Variants in URAD observed in about 807,000 individuals in gnomAD.
URAD encodes the protein putative 2-oxo-4-hydroxy-4-carboxy-5-ureidoimidazoline decarboxylase.
In URAD, 4 loss-of-function variants were observed where a neutral mutation model predicts 4.6. The ratio of observed to expected loss-of-function variants is 0.87; its 90% CI spans 0.43 to 1.98. URAD has a LOEUF of 1.98. URAD is among the 30% of genes most tolerant of loss of function. The pLI is 0.03. For missense variants in URAD, 300 were observed against 255.3 expected (o/e 1.18, Z -1.19); for synonymous variants, 144 against 118.2 (o/e 1.22, Z -1.41).
chr13:27,981,028 C>CTCTCCTCT (rs149754765), intron 1 of URAD, among the ~76,000 whole-genome samples: 9 of 117,132 alleles, frequency 7.7e-5, no homozygotes, highest in Non-Finnish European at 1.5e-4. Context: ...CTCTCTCTCT[C>CTCTCCTCT]CTCTCTCTCT....
chr13:27,978,282 C>G lies in URAD; in HGVS notation c.346G>C (p.Gly116Arg). 1 of 1,420,908 alleles carries G rather than the reference C, an allele frequency of 7.0e-7. No homozygotes were observed. The allele number at this position is 1,420,908 out of a possible 1,614,324, so 88.0% of individuals were successfully genotyped here. A position where few individuals can be genotyped will look rare whatever the true frequency, so the allele number is the denominator to read the frequency against. ...CGCGCGGCGAGCACGAAGGGGAAAC[C>G]GAAGCGCGCGCGGTACTGCGCGTTG... ...ELNAQYRARF[G>R]FPFVLAARFS... Residue 116 changes from glycine (G) to arginine (R), a missense_variant, in exon 2 of 2, where the codon GGT becomes CGT. Transcript: ENST00000332715.
In URAD at chr13:27,977,899, A is replaced by G. The variant is rs1262821708; in HGVS notation, c.*207T>C. On this transcript the variant is annotated 3_prime_UTR_variant, in exon 2 of 2. Coordinates refer to ENST00000332715, the MANE Select transcript of URAD (RefSeq NM_001105577.2). ...AATCCGGGGCAAAGCACTAAACAAT[A>G]TGGATATTTTGGCAACGCGTGCGCG... 2.4e-5 allele frequency: 12 copies of G among 501,256 alleles called. No homozygotes were observed. The highest frequency in any genetic ancestry group is 3.8e-5 in the Non-Finnish European group (11 of 288,820). The allele number at this position is 501,256 out of a possible 1,614,324, so 31.1% of individuals were successfully genotyped here.
chr13:27,982,714 A>G (rs1478980108), intron 1 of URAD, among the ~76,000 whole-genome samples: 2 of 152,040 alleles, frequency 1.3e-5, no homozygotes, highest in African/African-American at 2.4e-5. Context: ...GGTATCTTAG[A>G]CTCAGCAAGC....
In URAD at chr13:27,978,109, C is replaced by T. The variant is rs1037248119; in HGVS notation, c.519G>A (p.Leu173=). ...GGGTCCCTGGCCCGCGCGGCAGCTACAGCTTGGCGGGGTCTGCGCGGAGGA... is the reference window on the plus strand; with the variant it reads ...GGGTCCCTGGCCCGCGCGGCAGCTATAGCTTGGCGGGGTCTGCGCGGAGGA... The part of the protein sequence containing the change: ...ADLLRADPAK[L] Residue 173 remains leucine (L), a synonymous_variant, in exon 2 of 2, where the codon CTG becomes CTA. Transcript: ENST00000332715. 1.3e-6 allele frequency: 2 copies of T among 1,506,562 alleles called. No individual in the cohort carries two copies. Among genetic ancestry groups the T allele is most frequent in the African/African-American group, 2.9e-5 (2 of 68,904 alleles). The allele number at this position is 1,506,562 out of a possible 1,614,324, so 93.3% of individuals were successfully genotyped here. A position where few individuals can be genotyped will look rare whatever the true frequency, so the allele number is the denominator to read the frequency against.
intron 1 of URAD, among the ~76,000 whole-genome samples, chr13:27,980,042 T>A (rs1486901111): frequency 6.6e-6 from 1 of 152,176 alleles, no homozygotes; most frequent in African/African-American, 2.4e-5. Context: ...TCACCTATAA[T>A]CCCATCCCTC....
chr13:27,977,721 G>A lies in URAD; in HGVS notation c.*385C>T, dbSNP rs925235909. On this transcript the variant is annotated 3_prime_UTR_variant, in exon 2 of 2. Coordinates refer to ENST00000332715, the MANE Select transcript of URAD (RefSeq NM_001105577.2). Reference sequence around the variant, plus strand: ...AGAGAAAAACAGACAAACCGCTGTGGCATAAAAGATTCCTTTTCCGTCCGT... The same window carrying A: ...AGAGAAAAACAGACAAACCGCTGTGACATAAAAGATTCCTTTTCCGTCCGT... The A allele has an allele frequency of 4.6e-6, 1 of 216,434 alleles. No homozygotes were observed. Among genetic ancestry groups the A allele is most frequent in the Non-Finnish European group, 9.1e-6 (1 of 110,284 alleles). 13.4% of individuals were successfully genotyped at this position (216,434 alleles called of 1,614,324 possible).
chr13:27,978,888 G>T (rs1869800808), intron 1 of URAD, among the ~76,000 whole-genome samples: 1 of 152,180 alleles, frequency 6.6e-6, no homozygotes, highest in East Asian at 1.9e-4. Flanking sequence ...TCTCAGGGGG[G>T]GCTTTGATGT....
At chr13:27,980,407 C>A (rs938885488) in intron 1 of URAD, among the ~76,000 whole-genome samples, 6 of 152,126 alleles carry the variant, frequency 3.9e-5, no homozygotes, top group African/African-American at 9.7e-5. Context: ...TCGTGCCACG[C>A]GGCCACTTGT....
At position 27,988,682 on chromosome 13, in the gene URAD, C is replaced by G. The variant is rs775279767; in HGVS notation, c.-45G>C. ...ACAGCGGGACGTCCAGCTCCCCTCT[C>G]GGTGAGTGAGTGACGCTGTCTCGGC... On this transcript the variant is annotated 5_prime_UTR_variant, in exon 1 of 2. Transcript: ENST00000332715. The G allele has an allele frequency of 6.6e-7, 1 of 1,524,224 alleles. No homozygotes were observed. The allele number at this position is 1,524,224 out of a possible 1,614,324, so 94.4% of individuals were successfully genotyped here. A position where few individuals can be genotyped will look rare whatever the true frequency, so the allele number is the denominator to read the frequency against.
intron 1 of URAD, among the ~76,000 whole-genome samples, chr13:27,983,901 AC>A (rs2137558566): frequency 1.3e-5 from 2 of 152,362 alleles, no homozygotes; most frequent in Non-Finnish European, 2.9e-5. Context: ...ATAAACAAAC[AC>A]ATTTTAATAG....
chr13:27,977,871 A>G lies in URAD; in HGVS notation c.*235T>C. ...GTGAAGAATTGAAGCAGTGAGCTGG[A>G]TAAATCCGGGGCAAAGCACTAAACA... On this transcript the variant is annotated 3_prime_UTR_variant, in exon 2 of 2. Transcript: ENST00000332715. The G allele has an allele frequency of 4.3e-6, 2 of 462,072 alleles. No homozygotes were observed. The highest frequency in any genetic ancestry group is 3.8e-6 in the Non-Finnish European group (1 of 264,256). 28.6% of individuals were successfully genotyped at this position (462,072 alleles called of 1,614,324 possible).
In URAD at chr13:27,981,028, C is replaced by CTCTCTCCT. The variant is rs149754765; in HGVS notation, c.176-2577_176-2576insAGGAGAGA. ...GTCGCTTCTCTCTCTCTCTCTCTCT[C>CTCTCTCCT]CTCTCTCTCTCTCTCTCTCTCTCTG... is the stretch of plus-strand genomic sequence containing the variant. On this transcript the variant is annotated intron_variant, in intron 1 of 1. Transcript: ENST00000332715. Among the ~76,000 whole-genome samples the CTCTCTCCT allele has an allele frequency of 2.6e-5, 3 of 117,132 alleles. No individual in the cohort carries two copies. In the South Asian group the frequency reaches 7.0e-4, roughly 27 times the overall value. The allele number at this position is 117,132 out of a possible 152,430, so 76.8% of individuals were successfully genotyped here.
chr13:27,986,985 G>A (rs1001952538), intron 1 of URAD, among the ~76,000 whole-genome samples: 1 of 152,194 alleles, frequency 6.6e-6, no homozygotes, highest in South Asian at 2.1e-4. Context: ...CCAGAAGTGG[G>A]TGAGTGTCCA....
chr13:27,987,693 G>T (rs1870068494), intron 1 of URAD, among the ~76,000 whole-genome samples: 1 of 152,138 alleles, frequency 6.6e-6, no homozygotes, highest in Non-Finnish European at 1.5e-5. Context: ...TCTTTTGCTA[G>T]GTTCCTCCTT....
chr13:27,986,017 G>A (rs1020052399), intron 1 of URAD, among the ~76,000 whole-genome samples: 3 of 152,094 alleles, frequency 2.0e-5, no homozygotes, highest in East Asian at 1.9e-4. Flanking sequence ...AGGAGCTGCC[G>A]CCAGACAGCA....
chr13:27,981,695 G>C (rs895935311), intron 1 of URAD, among the ~76,000 whole-genome samples: 1 of 152,150 alleles, frequency 6.6e-6, no homozygotes, highest in Non-Finnish European at 1.5e-5. Flanking sequence ...CCCCTGGTAC[G>C]ATGGACAATC....
rs914144552 is a variant in URAD, at chr13:27,977,919, T to C, written c.*187A>G. ...ACAATATGGATATTTTGGCAACGCG[T>C]GCGCGTGTGGGTGGGCGGACAAAAG... On this transcript the variant is annotated 3_prime_UTR_variant, in exon 2 of 2. Coordinates refer to ENST00000332715, the MANE Select transcript of URAD (RefSeq NM_001105577.2). The C allele has an allele frequency of 5.8e-6, 3 of 519,452 alleles. No individual in the cohort carries two copies. Among genetic ancestry groups the C allele is most frequent in the Non-Finnish European group, 9.8e-6 (3 of 305,666 alleles). The allele number at this position is 519,452 out of a possible 1,614,324, so 32.2% of individuals were successfully genotyped here. A position where few individuals can be genotyped will look rare whatever the true frequency, so the allele number is the denominator to read the frequency against.
intron 1 of URAD, among the ~76,000 whole-genome samples, chr13:27,984,815 T>C (rs1283860449): frequency 6.6e-6 from 1 of 151,518 alleles, no homozygotes; most frequent in African/African-American, 2.4e-5. Context: ...CGTCTCTAGT[T>C]AAAAAATACA....
In URAD at chr13:27,978,089, C is replaced by T. The variant is rs1211612357; in HGVS notation, c.*17G>A. The T allele has an allele frequency of 5.5e-6, 8 of 1,464,400 alleles. No homozygotes were observed. The highest frequency in any genetic ancestry group is 2.6e-5 in the Admixed American group (1 of 37,850). The allele number at this position is 1,464,400 out of a possible 1,614,324, so 90.7% of individuals were successfully genotyped here. A position where few individuals can be genotyped will look rare whatever the true frequency, so the allele number is the denominator to read the frequency against. On this transcript the variant is annotated 3_prime_UTR_variant, in exon 2 of 2. Coordinates refer to ENST00000332715, the MANE Select transcript of URAD (RefSeq NM_001105577.2). ...CGCGTCCGGTTGTGCGTCCCGGGTC[C>T]CTGGCCCGCGCGGCAGCTACAGCTT...
Sources: gnomAD v4.1 joint callset for allele counts (sites outside exome capture counted in the v4.1 genomes callset) on GRCh38, gnomAD v4.1.1 for gene constraint, MANE v1.5 for transcripts, NCBI Gene and HGNC (gene_info 2026-07-23, HGNC 2026-07-21) for gene names.